Variants in MAGI2 observed in about 807,000 individuals in gnomAD.
MAGI2 encodes the protein membrane-associated guanylate kinase, WW and PDZ domain-containing protein 2.
In MAGI2, 35 loss-of-function variants were observed where a neutral mutation model predicts 133.3. That is an observed-to-expected ratio of 0.26 (90% confidence interval 0.20 to 0.35). MAGI2 has a LOEUF of 0.35. Among genes scored for constraint, MAGI2 ranks in the 10% least tolerant of loss-of-function variants. The probability of loss-of-function intolerance (pLI) is 1.00; values close to 1 mark genes in which losing one functional copy is unlikely to be tolerated. For synonymous variants in MAGI2, 729 were observed against 710.6 expected (o/e 1.03, Z -0.41); for missense variants, 1,636 against 1,863.4 (o/e 0.88, Z 2.25).
In MAGI2 at chr7:78,521,458, G is replaced by T. The variant is rs779163998; in HGVS notation, c.726C>A (p.Val242=). The T allele has an allele frequency of 1.6e-5, 26 of 1,613,834 alleles. No homozygotes were observed. Among genetic ancestry groups the T allele is most frequent in the African/African-American group, 4.0e-5 (3 of 74,976 alleles). The change falls in exon 4 of 22, where the codon GTC becomes GTA. Residue 242 remains valine (V), a synonymous_variant. Transcript: ENST00000354212. ...PEEEEEERPV[V]NGNGVVVTPE... Reference sequence around the variant, plus strand: ...GTGTTACTACTACTCCATTTCCATTGACCACAGGCCTCTCTTCCTCTTCCT... The same window carrying T: ...GTGTTACTACTACTCCATTTCCATTTACCACAGGCCTCTCTTCCTCTTCCT...
intron 2 of MAGI2, among the ~76,000 whole-genome samples, chr7:78,649,787 G>A (rs1243093506): frequency 1.3e-5 from 2 of 152,102 alleles, no homozygotes; most frequent in African/African-American, 4.8e-5. Context: ...GAGCTTCTGG[G>A]TTAGGTAAGT....
intron 1 of MAGI2, among the ~76,000 whole-genome samples, chr7:79,171,373 A>G (rs148450415): frequency 6.6e-6 from 1 of 151,868 alleles, no homozygotes; most frequent in East Asian, 1.9e-4. Flanking sequence ...TTAGGGGTCT[A>G]CTCTACTATA....
At chr7:78,641,937 G>A (rs570720861) in intron 2 of MAGI2, among the ~76,000 whole-genome samples, 2 of 152,274 alleles carry the variant, frequency 1.3e-5, no homozygotes, top group Admixed American at 1.3e-4. Context: ...TTCTCCTTCA[G>A]TATTGACTGA....
intron 16 of MAGI2, among the ~76,000 whole-genome samples, chr7:78,145,539 A>G (rs1823218901): frequency 6.6e-6 from 1 of 152,128 alleles, no homozygotes. Flanking sequence ...TATAGGTCAT[A>G]AGGATTACGC....
intron 10 of MAGI2, among the ~76,000 whole-genome samples, chr7:78,235,945 G>A (rs1790489585): frequency 2.0e-5 from 3 of 151,466 alleles, no homozygotes; most frequent in African/African-American, 7.3e-5. Flanking sequence ...ATGTGAATTA[G>A]CAGCACATAT....
At chr7:78,484,606 A>C (rs1792775879) in intron 6 of MAGI2, 2 of 152,012 alleles carry the variant, frequency 1.3e-5, no homozygotes, top group Admixed American at 1.3e-4. Flanking sequence ...ATTTTAGCCT[A>C]TATGGATTTG....
chr7:78,335,707 C>T (rs1299560607), intron 9 of MAGI2, among the ~76,000 whole-genome samples: 2 of 152,050 alleles, frequency 1.3e-5, no homozygotes, highest in African/African-American at 4.8e-5. Context: ...GGAGATCCTC[C>T]ATAGTACCTA....
At chr7:78,384,650 T>G (rs1356509065) in intron 6 of MAGI2, among the ~76,000 whole-genome samples, 2 of 152,200 alleles carry the variant, frequency 1.3e-5, no homozygotes, top group African/African-American at 4.8e-5. Context: ...ATGAATTGGA[T>G]GTTTACAAGA....
At chr7:78,936,451 A>G (rs1454783198) in intron 2 of MAGI2, among the ~76,000 whole-genome samples, 1 of 152,012 alleles carries the variant, frequency 6.6e-6, no homozygotes, top group Non-Finnish European at 1.5e-5. Flanking sequence ...ATCTACAAAT[A>G]TATACGTTGT....
chr7:78,275,442 T>A (rs563053522), intron 9 of MAGI2, among the ~76,000 whole-genome samples: 106 of 152,314 alleles, frequency 7.0e-4, no homozygotes, highest in African/African-American at 2.5e-3. Context: ...GTCTTGTTTT[T>A]ATTCACAAGT....
chr7:78,213,212 T>A (rs2150810281), intron 10 of MAGI2, among the ~76,000 whole-genome samples: 1 of 152,350 alleles, frequency 6.6e-6, no homozygotes, highest in South Asian at 2.1e-4. Context: ...CTACTCAAGA[T>A]GTGGTTTGAG....
intron 2 of MAGI2, among the ~76,000 whole-genome samples, chr7:78,772,598 C>T (rs1022053226): frequency 6.6e-6 from 1 of 151,904 alleles, no homozygotes; most frequent in Non-Finnish European, 1.5e-5. Context: ...GGACTGCAGC[C>T]GAAATACACC....
intron 1 of MAGI2, among the ~76,000 whole-genome samples, chr7:79,234,976 T>C (rs980296314): frequency 7.9e-5 from 12 of 151,962 alleles, no homozygotes; most frequent in South Asian, 2.1e-4. Context: ...GTTTTTGGTG[T>C]GGATGTCCTT....
At position 78,668,992 on chromosome 7, in the gene MAGI2, A is replaced by T. The variant is rs555518106; in HGVS notation, c.419-41753T>A. Among the ~76,000 whole-genome samples the T allele has an allele frequency of 2.3e-4, 35 of 152,284 alleles. No homozygotes were observed. The Middle Eastern group carries it at 0.027, about 118-fold the overall frequency. ...AGGAAAGATCCAAAATTGATACCCTAACATCACAATTAAAAGAACTAGAAA... is the reference window on the plus strand; with the variant it reads ...AGGAAAGATCCAAAATTGATACCCTTACATCACAATTAAAAGAACTAGAAA... On this transcript the variant is annotated intron_variant, in intron 2 of 21. Coordinates refer to ENST00000354212, the MANE Select transcript of MAGI2 (RefSeq NM_012301.4).
intron 1 of MAGI2, among the ~76,000 whole-genome samples, chr7:79,243,151 A>G (rs1367895818): frequency 6.6e-6 from 1 of 152,126 alleles, no homozygotes; most frequent in Non-Finnish European, 1.5e-5. Flanking sequence ...AAGAAAAGAC[A>G]AATAAAAAAA....
intron 19 of MAGI2, among the ~76,000 whole-genome samples, chr7:78,126,984 A>G (rs1821049729): frequency 6.6e-6 from 1 of 152,164 alleles, no homozygotes; most frequent in Admixed American, 6.5e-5. Context: ...ATTTATCCAT[A>G]TTTATTTATT....
At chr7:78,852,935 A>C (rs561145205) in intron 2 of MAGI2, among the ~76,000 whole-genome samples, 21 of 152,324 alleles carry the variant, frequency 1.4e-4, no homozygotes, top group African/African-American at 5.1e-4. Context: ...TTTTTAGAAT[A>C]GTGATGTATA....
chr7:78,589,584 T>A (rs1036093735), intron 3 of MAGI2, among the ~76,000 whole-genome samples: 1 of 151,902 alleles, frequency 6.6e-6, no homozygotes, highest in African/African-American at 2.4e-5. Context: ...ATTCCGTGAG[T>A]GAGAGGTGTG....
At chr7:78,435,211 G>A (rs1800164733) in intron 6 of MAGI2, among the ~76,000 whole-genome samples, 1 of 152,124 alleles carries the variant, frequency 6.6e-6, no homozygotes, top group Admixed American at 6.6e-5. Flanking sequence ...AGAAGGCCTA[G>A]CATAGTTTCT....
Sources: gnomAD v4.1 joint callset for allele counts (sites outside exome capture counted in the v4.1 genomes callset) on GRCh38, gnomAD v4.1.1 for gene constraint, MANE v1.5 for transcripts, NCBI Gene and HGNC (gene_info 2026-07-23, HGNC 2026-07-21) for gene names.